USP22: variants seen among roughly 807,000 people sequenced by gnomAD.
The protein encoded by USP22 is ubiquitin specific peptidase 22.
A neutral mutation model predicts 68.1 loss-of-function variants in USP22; 22 were observed. That is an observed-to-expected ratio of 0.32 (90% CI 0.23 to 0.46). The LOEUF is 0.46. Among genes scored for constraint, USP22 ranks in the 20% least tolerant of loss-of-function variants. The probability of loss-of-function intolerance (pLI) is 1.00; values close to 1 mark genes in which losing one functional copy is unlikely to be tolerated. For synonymous variants in USP22, 279 were observed against 274.2 expected, an observed-to-expected ratio of 1.02 and a Z score of -0.17; for missense variants, 433 against 695.8, an observed-to-expected ratio of 0.62 and a Z score of 4.25.
At chr17:21,007,563 C>T (rs530440415) in intron 9 of USP22, among the ~76,000 whole-genome samples, 1 of 152,292 alleles carries the variant, frequency 6.6e-6, no homozygotes, top group East Asian at 1.9e-4. Flanking sequence ...TAAAATAAAA[C>T]AGAAAACCTG....
At chr17:21,021,271 C>G (rs535297942) in intron 2 of USP22, 45 bp from the exon 3 acceptor site, 51 of 1,369,144 alleles carry the variant, frequency 3.7e-5, no homozygotes, top group Admixed American at 2.9e-4. Context: ...GAATTAAAAA[C>G]CACAATGGAA....
At chr17:21,028,513 T>C (rs777573788) in intron 2 of USP22, 29 bp downstream of exon 2, 13 of 1,610,992 alleles carry the variant, frequency 8.1e-6, no homozygotes, top group Non-Finnish European at 1.1e-5. Context: ...GGGCCACAAC[T>C]ATCCCCCCAT....
chr17:21,018,350 T>G, intron 4 of USP22: 1 of 409,730 alleles, frequency 2.4e-6, no homozygotes, highest in Non-Finnish European at 4.4e-6. Context: ...TTGACAGAAT[T>G]ACACAAATAT....
chr17:21,009,972 T>TAA (rs1555589967), intron 8 of USP22, among the ~76,000 whole-genome samples: 1,671 of 142,508 alleles, frequency 0.012, 27 homozygotes, highest in South Asian at 0.061. Context: ...AAAAAAAAAT[T>TAA]AAAAAAAAAA....
chr17:21,032,967 T>TC (rs1233968276), intron 1 of USP22, among the ~76,000 whole-genome samples: 2 of 141,266 alleles, frequency 1.4e-5, no homozygotes, highest in Non-Finnish European at 3.0e-5. Flanking sequence ...GAAAATGCAT[T>TC]CCCCAGGCAC....
At chr17:21,020,957 T>G (rs899341) in intron 3 of USP22, among the ~76,000 whole-genome samples, 156 bp downstream of exon 3, 111,082 of 152,086 alleles carry the variant, frequency 0.73, 41,243 homozygotes, top group South Asian at 0.83. Context: ...GAGCTTCAGC[T>G]GACTCCACTG....
chr17:21,018,106 G>A lies in USP22; in HGVS notation c.526C>T (p.Arg176Cys). Residue 176 changes from arginine (R) to cysteine (C), a missense_variant, in exon 5 of 13, where the codon CGT becomes TGT. By Grantham distance (180) the Arg-to-Cys change is radical. Transcript: ENST00000261497. ...KITSNCTIGL[R>C]GLINLGNTCF... The stretch of plus-strand genomic sequence containing the variant: ...GTGTTCCCAAGGTTGATCAGCCCAC[G>A]CAGACCTGGACACAAATCACCAGAG... 1 of 1,593,008 alleles carries A rather than the reference G, an allele frequency of 6.3e-7. No individual in the cohort carries two copies. The highest frequency in any genetic ancestry group is 1.1e-5 in the South Asian group (1 of 88,234).
At chr17:21,032,368 C>CA (rs1597700454) in intron 1 of USP22, among the ~76,000 whole-genome samples, 1 of 152,234 alleles carries the variant, frequency 6.6e-6, no homozygotes, top group East Asian at 1.9e-4. Flanking sequence ...CACTGTGGAA[C>CA]AGCACGTCCA....
At position 21,042,914 on chromosome 17, in the gene USP22, C is replaced by G. The variant is rs931217369; in HGVS notation, c.-79G>C. On this transcript the variant is annotated 5_prime_UTR_variant, in exon 1 of 13. Transcript: ENST00000261497. ...ACGCCAGCGCGGCGTGGGGGCTGCT[C>G]GGCGGCTGGCCAGGCTGGCCAAGGC... 6 of 1,013,890 alleles carry G rather than the reference C, an allele frequency of 5.9e-6. No homozygotes were observed. The highest frequency in any genetic ancestry group is 7.5e-6 in the Non-Finnish European group (6 of 797,862). 62.8% of individuals were successfully genotyped at this position (1,013,890 alleles called of 1,614,324 possible).
intron 7 of USP22, 27 bp downstream of exon 7, chr17:21,012,803 T>C (rs373786796): frequency 1.1e-5 from 18 of 1,603,654 alleles, no homozygotes; most frequent in Non-Finnish European, 1.5e-5. Context: ...GGGTTTGATA[T>C]TGCCGAGCAC....
chr17:21,033,601 C>A (rs1197317194), intron 1 of USP22, among the ~76,000 whole-genome samples: 1 of 152,146 alleles, frequency 6.6e-6, no homozygotes, highest in Non-Finnish European at 1.5e-5. Context: ...GACACACCAC[C>A]TTAAGAGCTA....
At chr17:21,005,156 C>A in intron 10 of USP22, 166 bp from the exon 11 acceptor site, 1 of 800,108 alleles carries the variant, frequency 1.2e-6, no homozygotes, top group Non-Finnish European at 2.0e-6. Context: ...AGGACACTGA[C>A]GCTCAAGCTG....
Position 21,017,937 on chromosome 17 carries a change from C to T in USP22, c.690+5G>A. 1 of 1,613,854 alleles carries T rather than the reference C, an allele frequency of 6.2e-7. No homozygotes were observed. The highest frequency in any genetic ancestry group is 8.5e-7 in the Non-Finnish European group (1 of 1,179,952). On this transcript the variant is annotated splice_donor_5th_base_variant and intron_variant, in intron 5 of 12. Coordinates refer to ENST00000261497, the MANE Select transcript of USP22 (RefSeq NM_015276.2). ...TGTTCCCCTGCAGAAGTCAATGGCG[C>T]TCACCTCCTGAAACAGTGAGGACAT... is the stretch of plus-strand genomic sequence containing the variant.
intron 8 of USP22, 63 bp downstream of exon 8, chr17:21,011,088 C>T: frequency 6.6e-7 from 1 of 1,520,032 alleles, no homozygotes; most frequent in Non-Finnish European, 8.8e-7. Context: ...TGCTTTGGTC[C>T]TGATGGAGCA....
At chr17:21,041,054 T>C (rs1972423306) in intron 1 of USP22, among the ~76,000 whole-genome samples, 1 of 151,782 alleles carries the variant, frequency 6.6e-6, no homozygotes, top group South Asian at 2.1e-4. Context: ...CCGGCTACTT[T>C]TCGTATTTTT....
In USP22 at chr17:21,006,741, G is replaced by A. The variant is rs1913793382; in HGVS notation, c.1322+155C>T. 4 of 489,644 alleles carry A rather than the reference G, an allele frequency of 8.2e-6. No individual in the cohort carries two copies. The South Asian group carries it at 9.9e-5, about 12-fold the overall frequency. The allele number at this position is 489,644 out of a possible 1,614,324, so 30.3% of individuals were successfully genotyped here. ...GATGGTCTCAATCTGTTGACCTCAT[G>A]ATCTGCCCGCTTCGACCTCCTGAAG... On this transcript the variant is annotated intron_variant, in intron 10 of 12. Transcript: ENST00000261497.
chr17:21,012,730 C>T, intron 7 of USP22, 100 bp downstream of exon 7: 1 of 1,122,402 alleles, frequency 8.9e-7, no homozygotes, highest in Non-Finnish European at 1.3e-6. Context: ...TCATAGCCTC[C>T]TTAAAGACCT....
At chr17:21,020,667 C>T (rs1258457907) in intron 3 of USP22, among the ~76,000 whole-genome samples, 1 of 152,252 alleles carries the variant, frequency 6.6e-6, no homozygotes, top group African/African-American at 2.4e-5. Context: ...TATAACATTA[C>T]TGCAAAGAGA....
At chr17:21,003,292 C>G (rs956274314) in intron 12 of USP22, among the ~76,000 whole-genome samples, 1 of 152,216 alleles carries the variant, frequency 6.6e-6, no homozygotes, top group African/African-American at 2.4e-5. Flanking sequence ...CCACCCCCAC[C>G]TGCCACGAGG....
Sources: allele counts gnomAD v4.1 joint callset (sites outside exome capture counted in the v4.1 genomes callset), GRCh38; gene constraint gnomAD v4.1.1; transcripts MANE v1.5; gene names NCBI Gene and HGNC (gene_info 2026-07-23, HGNC 2026-07-21).